ARMC9: variants seen among roughly 807,000 people sequenced by gnomAD.
ARMC9 encodes lisH domain-containing protein ARMC9.
A neutral mutation model predicts 107.0 loss-of-function variants in ARMC9; 94 were observed. That is an observed-to-expected ratio of 0.88 (90% CI 0.74 to 1.04). ARMC9 has a LOEUF of 1.04. Among genes scored for constraint, ARMC9 ranks in the 50% least tolerant of loss-of-function variants. The pLI, the probability that ARMC9 is intolerant of heterozygous loss-of-function variation, is 0.00. For synonymous variants in ARMC9, 380 were observed against 396.9 expected (o/e 0.96, Z 0.51); for missense variants, 942 against 1,030.1 (o/e 0.91, Z 1.17).
intron 12 of ARMC9, among the ~76,000 whole-genome samples, chr2:231,269,582 A>G (rs1042500846): frequency 6.6e-6 from 1 of 150,938 alleles, no homozygotes; most frequent in Non-Finnish European, 1.5e-5. Context: ...ACGGGGTTTC[A>G]CCATGTTGGC....
At chr2:231,277,809 C>T (rs2039893562) in intron 15 of ARMC9, among the ~76,000 whole-genome samples, 1 of 152,142 alleles carries the variant, frequency 6.6e-6, no homozygotes, top group African/African-American at 2.4e-5. Flanking sequence ...GTGATCCACC[C>T]ACTTCGCCCT....
chr2:231,328,445 G>T (rs928853072), intron 19 of ARMC9, among the ~76,000 whole-genome samples: 1 of 152,060 alleles, frequency 6.6e-6, no homozygotes, highest in Admixed American at 6.5e-5. Flanking sequence ...TTTTATGGGT[G>T]TTCTAAAAAT....
At chr2:231,278,056 G>A (rs549066794) in intron 15 of ARMC9, among the ~76,000 whole-genome samples, 46 of 152,236 alleles carry the variant, frequency 3.0e-4, no homozygotes, top group African/African-American at 9.1e-4. Flanking sequence ...GTAATGACTC[G>A]CTCTGTGCTC....
chr2:231,340,271 TTCTGG>T (rs1347381789), intron 20 of ARMC9, among the ~76,000 whole-genome samples: 30 of 152,222 alleles, frequency 2.0e-4, no homozygotes. Flanking sequence ...GGTTTTTTTC[TTCTGG>T]TACCCGGAGA....
chr2:231,320,960 C>T (rs979941744), intron 19 of ARMC9, among the ~76,000 whole-genome samples: 1 of 152,200 alleles, frequency 6.6e-6, no homozygotes, highest in East Asian at 1.9e-4. Context: ...CTGGCAGAAT[C>T]TGAACACCAA....
intron 15 of ARMC9, 71 bp from the exon 16 acceptor site, chr2:231,278,311 A>G (rs1336615215): frequency 2.0e-6 from 3 of 1,499,874 alleles, no homozygotes; most frequent in African/African-American, 2.8e-5. Flanking sequence ...TTTGTCTCCA[A>G]GTCTACCTGA....
At chr2:231,273,527 A>T (rs1191345165) in intron 14 of ARMC9, among the ~76,000 whole-genome samples, 1 of 152,060 alleles carries the variant, frequency 6.6e-6, no homozygotes, top group Non-Finnish European at 1.5e-5. Flanking sequence ...CCAGCAGCCC[A>T]CCCCATGGGA....
chr2:231,341,636 TAGATGATAGATA>T (rs1240480143), intron 20 of ARMC9, among the ~76,000 whole-genome samples: 2 of 101,812 alleles, frequency 2.0e-5, no homozygotes, highest in African/African-American at 1.2e-4. Context: ...GATAGATAGA[TAGATGATAGATA>T]GATAGATAGA....
chr2:231,204,514 T>C (rs938501019), intron 1 of ARMC9, among the ~76,000 whole-genome samples: 1 of 152,136 alleles, frequency 6.6e-6, no homozygotes, highest in African/African-American at 2.4e-5. Flanking sequence ...CTCCTTCAGG[T>C]TCTGTCCCTT....
rs565626205 is a variant in ARMC9 at position 231,311,279 on chromosome 2, C to T, written c.1773+15026C>T. On this transcript the variant is annotated intron_variant, in intron 19 of 24. Transcript: ENST00000611582. ...GGCATTTATTTTCATATCCTCTTTC[C>T]TGGTGGAGTCATTTTTTTTTCTTTT... is the stretch of plus-strand genomic sequence containing the variant. Among the ~76,000 whole-genome samples, 5 of 152,254 alleles carry T rather than the reference C, an allele frequency of 3.3e-5. No individual in the cohort carries two copies. The South Asian group carries it at 1.0e-3, about 32-fold the overall frequency.
In ARMC9 at chr2:231,329,594, C is replaced by T. The variant is rs543404080; in HGVS notation, c.1774-2199C>T. On this transcript the variant is annotated intron_variant, in intron 19 of 24. Coordinates refer to ENST00000611582, the MANE Select transcript of ARMC9 (RefSeq NM_001352754.2). ...AAAGTACTGAGATTACAGGTGTGAG[C>T]CACCGCGCCCGGCAGATTTCTTTCA... Among the ~76,000 whole-genome samples the T allele has an allele frequency of 4.3e-4, 65 of 152,336 alleles. 1 individual carries two copies. Among genetic ancestry groups the T allele is most frequent in the African/African-American group, 1.5e-3 (63 of 41,564 alleles).
At chr2:231,249,151 C>T (rs564220585) in intron 9 of ARMC9, among the ~76,000 whole-genome samples, 9 of 152,264 alleles carry the variant, frequency 5.9e-5, no homozygotes, top group East Asian at 3.9e-4. Context: ...CACTGGCCCG[C>T]GCACCCCTGC....
intron 20 of ARMC9, among the ~76,000 whole-genome samples, chr2:231,343,777 T>C (rs1002302895): frequency 6.6e-6 from 1 of 152,132 alleles, no homozygotes; most frequent in African/African-American, 2.4e-5. Context: ...TTTAGCACAA[T>C]TGAAAGCATT....
rs570414059 is a variant in ARMC9, at chr2:231,323,678, T to A, written c.1774-8115T>A. ...TCCAAAAGCAGAGAATTTAAGAAAT[T>A]TCTTCCATCAGTAAGTCATGATTTT... On this transcript the variant is annotated intron_variant, in intron 19 of 24. Coordinates refer to ENST00000611582, the MANE Select transcript of ARMC9 (RefSeq NM_001352754.2). Among the ~76,000 whole-genome samples, 3 of 152,316 alleles carry A rather than the reference T, an allele frequency of 2.0e-5. No homozygotes were observed. In the South Asian group the frequency reaches 6.2e-4, roughly 32 times the overall value.
At chr2:231,280,520 C>T (rs2040133430) in intron 16 of ARMC9, among the ~76,000 whole-genome samples, 1 of 151,808 alleles carries the variant, frequency 6.6e-6, no homozygotes. Context: ...TATATATATA[C>T]ATATATACAT....
chr2:231,370,569 C>G (rs918112313), intron 24 of ARMC9: 12 of 162,628 alleles, frequency 7.4e-5, no homozygotes, highest in Admixed American at 6.3e-5. Context: ...CTCGGTCAGG[C>G]CACCCCCAGG....
At chr2:231,213,920 G>C (rs2033202555) in intron 3 of ARMC9, among the ~76,000 whole-genome samples, 1 of 152,188 alleles carries the variant, frequency 6.6e-6, no homozygotes, top group Non-Finnish European at 1.5e-5. Flanking sequence ...CAAATATCTT[G>C]GGCATTCGAT....
intron 17 of ARMC9, among the ~76,000 whole-genome samples, chr2:231,285,645 CAAAAAA>C (rs202061783): frequency 7.1e-6 from 1 of 140,648 alleles, no homozygotes; most frequent in African/African-American, 2.6e-5. Context: ...GACTCCGTCT[CAAAAAA>C]AAAAAAGACG....
chr2:231,335,457 C>G (rs1056153262), intron 20 of ARMC9, among the ~76,000 whole-genome samples: 1 of 152,174 alleles, frequency 6.6e-6, no homozygotes, highest in African/African-American at 2.4e-5. Context: ...CCCACCTGTT[C>G]CCTGCAGGGC....
Sources: gnomAD v4.1 joint callset for allele counts (sites outside exome capture counted in the v4.1 genomes callset) on GRCh38, gnomAD v4.1.1 for gene constraint, MANE v1.5 for transcripts, NCBI Gene and HGNC (gene_info 2026-07-23, HGNC 2026-07-21) for gene names.